DUSP19: variants seen among roughly 807,000 people sequenced by gnomAD.
The protein encoded by DUSP19 is dual specificity phosphatase 19, also known as dual specificity protein phosphatase 19.
A neutral mutation model predicts 16.6 loss-of-function variants in DUSP19; 14 were observed. The ratio of observed to expected loss-of-function variants is 0.84; its 90% CI spans 0.56 to 1.32. The LOEUF is 1.32. Ranked by LOEUF, DUSP19 falls within the 40% of genes most tolerant of loss-of-function variation. The pLI is 0.00. For synonymous variants in DUSP19, 81 were observed against 90.5 expected, an observed-to-expected ratio of 0.90 and a Z score of 0.59; for missense variants, 258 against 255.9, an observed-to-expected ratio of 1.01 and a Z score of -0.06.
At chr2:183,089,935 G>C (rs189874926) in intron 3 of DUSP19, among the ~76,000 whole-genome samples, 14 of 152,178 alleles carry the variant, frequency 9.2e-5, no homozygotes, top group African/African-American at 3.4e-4. Flanking sequence ...CACCATGCCT[G>C]GCTAATTTTT....
At chr2:183,083,454 A>G in intron 1 of DUSP19, 54 bp from the exon 2 acceptor site, 3 of 1,483,302 alleles carry the variant, frequency 2.0e-6, no homozygotes, top group Non-Finnish European at 9.1e-7. Flanking sequence ...AATTTATATA[A>G]AAGTTCAAGA....
intron 3 of DUSP19, among the ~76,000 whole-genome samples, chr2:183,091,656 A>C (rs1051877884): frequency 6.6e-6 from 1 of 152,248 alleles, no homozygotes; most frequent in Non-Finnish European, 1.5e-5. Context: ...GGGTGAAGTT[A>C]CAAAGTTATA....
rs914390587 is a variant in DUSP19, at chr2:183,097,687, A to G, written c.*2029A>G. The G allele has an allele frequency of 6.6e-6, 1 of 152,184 alleles. No individual in the cohort carries two copies. Among genetic ancestry groups the G allele is most frequent in the Non-Finnish European group, 1.5e-5 (1 of 68,026 alleles). The allele number at this position is 152,184 out of a possible 1,614,324, so 9.4% of individuals were successfully genotyped here. On this transcript the variant is annotated 3_prime_UTR_variant, in exon 4 of 4. Coordinates refer to ENST00000354221, the MANE Select transcript of DUSP19 (RefSeq NM_080876.4). The stretch of plus-strand genomic sequence containing the variant: ...CAAGGCAGGCAGAACCCTCTTAAAT[A>G]TGAGACTGATGTATAGGTTCTCTCT...
intron 3 of DUSP19, among the ~76,000 whole-genome samples, chr2:183,094,167 T>C (rs996056218): frequency 1.3e-5 from 2 of 152,208 alleles, no homozygotes; most frequent in East Asian, 1.9e-4. Flanking sequence ...ATTTTCAAAA[T>C]GTTAACTAAT....
intron 3 of DUSP19, among the ~76,000 whole-genome samples, chr2:183,094,733 G>A (rs11883456): frequency 0.75 from 113,376 of 152,034 alleles, 43,324 homozygotes; most frequent in East Asian, 0.98. Context: ...TTACTACATC[G>A]TAAGTTTAAA....
Position 183,078,750 on chromosome 2 carries a change from T to C in DUSP19, c.-184T>C, listed in dbSNP as rs1364037509. ...ATGACCAATCAAATTTCGCCTTACA[T>C]TGCATCGCTGGGATAAACGGAGCTG... On this transcript the variant is annotated 5_prime_UTR_variant, in exon 1 of 4. Coordinates refer to ENST00000354221, the MANE Select transcript of DUSP19 (RefSeq NM_080876.4). 1.7e-6 allele frequency: 1 copy of C among 592,284 alleles called. No homozygotes were observed. Among genetic ancestry groups the C allele is most frequent in the Non-Finnish European group, 3.0e-6 (1 of 336,960 alleles). The allele number at this position is 592,284 out of a possible 1,614,324, so 36.7% of individuals were successfully genotyped here.
chr2:183,080,500 G>T (rs1699578355), intron 1 of DUSP19, among the ~76,000 whole-genome samples: 1 of 152,178 alleles, frequency 6.6e-6, no homozygotes, highest in African/African-American at 2.4e-5. Context: ...AATCTGAAAA[G>T]TTCACCTAGG....
chr2:183,079,138 A>C lies in DUSP19; in HGVS notation c.205A>C (p.Ile69Leu). The C allele has an allele frequency of 6.2e-7, 1 of 1,613,922 alleles. No individual in the cohort carries two copies. The highest frequency in any genetic ancestry group is 8.5e-7 in the Non-Finnish European group (1 of 1,179,900). ...TAGCTCGGACCTGCAAGTTGGCGTT[A>C]TTAAGCCATGGTTGCTCCTAGGTGA... ...DLSSDLQVGV[I>L]KPWLLLGSQD... The change falls in exon 1 of 4, where the codon ATT becomes CTT. Residue 69 changes from isoleucine (I) to leucine (L), a missense_variant. Transcript: ENST00000354221.
intron 2 of DUSP19, among the ~76,000 whole-genome samples, 170 bp from the exon 3 acceptor site, chr2:183,086,870 C>T (rs1699669607): frequency 1.3e-5 from 2 of 151,764 alleles, no homozygotes; most frequent in Admixed American, 6.6e-5. Flanking sequence ...AGAGAGAAAA[C>T]ATATAGTAGA....
At chr2:183,095,399 A>C in intron 3 of DUSP19, 32 bp from the exon 4 acceptor site, 1 of 1,547,934 alleles carries the variant, frequency 6.5e-7, no homozygotes, top group East Asian at 2.3e-5. Flanking sequence ...CAAATGAATA[A>C]TGAAGATTTT....
At chr2:183,086,843 T>A (rs917576640) in intron 2 of DUSP19, among the ~76,000 whole-genome samples, 197 bp from the exon 3 acceptor site, 6 of 144,730 alleles carry the variant, frequency 4.1e-5, no homozygotes, top group African/African-American at 1.6e-4. Flanking sequence ...TAATAATAAG[T>A]TAAAAGAGAG....
At chr2:183,086,238 C>A (rs1699660295) in intron 2 of DUSP19, among the ~76,000 whole-genome samples, 1 of 151,786 alleles carries the variant, frequency 6.6e-6, no homozygotes, top group Admixed American at 6.6e-5. Context: ...TCCTGGAGAA[C>A]CATTTTATAA....
intron 2 of DUSP19, 76 bp downstream of exon 2, chr2:183,083,630 T>C (rs1303634580): frequency 1.5e-6 from 2 of 1,307,332 alleles, no homozygotes; most frequent in Non-Finnish European, 2.1e-6. Flanking sequence ...ACTGTATTGG[T>C]CCATCTTTGG....
Position 183,078,966 on chromosome 2 carries a change from C to G in DUSP19, c.33C>G (p.Phe11Leu). ...CCCTTAACCAGGAAATTAAAGCATT[C>G]TCCCGGAATAATCTCAGGAAGCAAT... MYSLNQEIKA[F>L]SRNNLRKQCT... The change falls in exon 1 of 4, where the codon TTC (phenylalanine) becomes TTG (leucine). Residue 11 changes from phenylalanine (F) to leucine (L), a missense_variant. Physicochemically the swap from Phe to Leu is conservative, Grantham distance 22. Coordinates refer to ENST00000354221, the MANE Select transcript of DUSP19 (RefSeq NM_080876.4). 1 of 1,614,146 alleles carries G rather than the reference C, an allele frequency of 6.2e-7. No homozygotes were observed. The highest frequency in any genetic ancestry group is 8.5e-7 in the Non-Finnish European group (1 of 1,180,014).
At chr2:183,090,694 A>G (rs559729629) in intron 3 of DUSP19, among the ~76,000 whole-genome samples, 1 of 152,310 alleles carries the variant, frequency 6.6e-6, no homozygotes, top group East Asian at 1.9e-4. Flanking sequence ...ATATTCTTTT[A>G]TAGCCTGCCT....
At chr2:183,086,151 A>G (rs1699659347) in intron 2 of DUSP19, among the ~76,000 whole-genome samples, 1 of 152,144 alleles carries the variant, frequency 6.6e-6, no homozygotes, top group South Asian at 2.1e-4. Flanking sequence ...AGATTGGTTC[A>G]TCAGAATCTC....
chr2:183,099,219 T>C lies in DUSP19; in HGVS notation c.*3561T>C, dbSNP rs1317040548. 1 of 152,200 alleles carries C rather than the reference T, an allele frequency of 6.6e-6. No individual in the cohort carries two copies. Among genetic ancestry groups the C allele is most frequent in the Non-Finnish European group, 1.5e-5 (1 of 68,034 alleles). 9.4% of individuals were successfully genotyped at this position (152,200 alleles called of 1,614,324 possible). A position where few individuals can be genotyped will look rare whatever the true frequency, so the allele number is the denominator to read the frequency against. Reference sequence around the variant, plus strand: ...GTAGCAAGTATAAATCAGAATATCATCTTATAATCTTACAGAGTTAACCTA... The same window carrying C: ...GTAGCAAGTATAAATCAGAATATCACCTTATAATCTTACAGAGTTAACCTA... On this transcript the variant is annotated 3_prime_UTR_variant, in exon 4 of 4. Coordinates refer to ENST00000354221, the MANE Select transcript of DUSP19 (RefSeq NM_080876.4).
At position 183,078,890 on chromosome 2, in the gene DUSP19, C is replaced by T. The variant is rs1338367711; in HGVS notation, c.-44C>T. On this transcript the variant is annotated 5_prime_UTR_variant, in exon 1 of 4. Coordinates refer to ENST00000354221, the MANE Select transcript of DUSP19 (RefSeq NM_080876.4). The stretch of plus-strand genomic sequence containing the variant: ...ACTAGCAGTTCAGCCGTTTTCTATG[C>T]CTGCTGGATTTGTTTGTATTTGTTC... The T allele has an allele frequency of 6.3e-7, 1 of 1,579,644 alleles. No individual in the cohort carries two copies. Among genetic ancestry groups the T allele is most frequent in the East Asian group, 2.3e-5 (1 of 44,308 alleles).
intron 1 of DUSP19, among the ~76,000 whole-genome samples, chr2:183,081,986 T>A (rs1699597646): frequency 6.6e-6 from 1 of 152,228 alleles, no homozygotes; most frequent in African/African-American, 2.4e-5. Flanking sequence ...CTAGTTATTC[T>A]CCATATGAAC....
Sources: allele counts gnomAD v4.1 joint callset (sites outside exome capture counted in the v4.1 genomes callset), GRCh38; gene constraint gnomAD v4.1.1; transcripts MANE v1.5; gene names NCBI Gene and HGNC (gene_info 2026-07-23, HGNC 2026-07-21).